TSHZ3: variants seen among roughly 807,000 people sequenced by gnomAD.
TSHZ3 encodes the protein teashirt homolog 3.
A neutral mutation model predicts 64.5 loss-of-function variants in TSHZ3; 10 were observed. That is an observed-to-expected ratio of 0.16 (90% CI 0.10 to 0.26). TSHZ3 has a LOEUF of 0.26. TSHZ3 is among the 10% of genes least tolerant of loss of function. The pLI is 1.00. For missense variants in TSHZ3, 1,242 were observed against 1,421.7 expected (o/e 0.87, Z 2.03); for synonymous variants, 608 against 593.1 (o/e 1.03, Z -0.36).
At chr19:31,164,785 C>G (rs563176250) in intron 5 of TSHZ3, among the ~76,000 whole-genome samples, 38 of 152,336 alleles carry the variant, frequency 2.5e-4, no homozygotes, top group African/African-American at 6.5e-4. Flanking sequence ...TCCTTTCCCC[C>G]CTTTGTGGCT....
At chr19:31,156,817 G>A (rs530375675) in intron 5 of TSHZ3, among the ~76,000 whole-genome samples, 91 of 152,234 alleles carry the variant, frequency 6.0e-4, no homozygotes, top group African/African-American at 8.7e-4. Flanking sequence ...ACAGGCAGCC[G>A]ATCCTGGTCC....
intron 5 of TSHZ3, among the ~76,000 whole-genome samples, chr19:31,166,500 T>C (rs1275412902): frequency 5.3e-5 from 8 of 152,172 alleles, no homozygotes; most frequent in African/African-American, 1.7e-4. Context: ...CCAGGAAGGC[T>C]GCAGCCAAGA....
At chr19:31,176,713 T>C (rs12983733) in intron 5 of TSHZ3, among the ~76,000 whole-genome samples, 95,033 of 151,978 alleles carry the variant, frequency 0.63, 30,169 homozygotes, top group African/African-American at 0.75. Context: ...TTGCTTGAGC[T>C]AAGGAGGTTG....
chr19:31,176,317 C>T (rs1568337734), intron 5 of TSHZ3, among the ~76,000 whole-genome samples: 2 of 152,120 alleles, frequency 1.3e-5, no homozygotes, highest in South Asian at 2.1e-4. Context: ...AATCAAGTTT[C>T]TAACTATCAC....
chr19:31,204,640 A>G (rs1425118658), intron 5 of TSHZ3: 1 of 152,182 alleles, frequency 6.6e-6, no homozygotes, highest in Non-Finnish European at 1.5e-5. Flanking sequence ...TAAGTTACTG[A>G]CAATGCTATA....
chr19:31,272,916 C>A (rs1259620468), downstream of TSHZ3, among the ~76,000 whole-genome samples: 1 of 152,170 alleles, frequency 6.6e-6, no homozygotes, highest in Non-Finnish European at 1.5e-5. Flanking sequence ...TCCCTGCACC[C>A]ATTTAAAGGC....
chr19:31,180,716 A>C (rs1363246082), intron 5 of TSHZ3, among the ~76,000 whole-genome samples: 1 of 152,210 alleles, frequency 6.6e-6, no homozygotes, highest in Non-Finnish European at 1.5e-5. Context: ...CTTCTTTCAT[A>C]CATGCGAGAT....
Position 31,338,385 on chromosome 19 carries a change from C to T in TSHZ3, c.40+10795G>A, listed in dbSNP as rs559639247. 3.4e-3 allele frequency among the ~76,000 whole-genome samples: 515 copies of T among 152,280 alleles called. 4 individuals are homozygous for T. Among genetic ancestry groups the T allele is most frequent in the Non-Finnish European group, 6.0e-3 (411 of 68,002 alleles). On this transcript the variant is annotated intron_variant, in intron 1 of 1. Transcript: ENST00000240587. ...CCCTGCAGAGGGGACAGAGCTCAGA[C>T]ACAAAGGGGAAGAGGCTGCTGGGAG...
chr19:31,168,676 G>A (rs924926637), intron 5 of TSHZ3, among the ~76,000 whole-genome samples: 3 of 152,180 alleles, frequency 2.0e-5, no homozygotes, highest in African/African-American at 7.2e-5. Context: ...GAAGCTGCAA[G>A]AGCCTAGATT....
At chr19:31,201,461 CA>C (rs1208408429) in intron 5 of TSHZ3, among the ~76,000 whole-genome samples, 1 of 152,074 alleles carries the variant, frequency 6.6e-6, no homozygotes, top group Non-Finnish European at 1.5e-5. Context: ...CTATGTTTGA[CA>C]AGTTGATTTT....
At chr19:31,269,987 G>A (rs933525646), downstream of TSHZ3, among the ~76,000 whole-genome samples, 30 of 152,178 alleles carry the variant, frequency 2.0e-4, no homozygotes, top group East Asian at 5.8e-4. Flanking sequence ...CACAGGGACC[G>A]CCTGATTCAT....
chr19:31,314,913 T>C (rs1441648544), intron 1 of TSHZ3, among the ~76,000 whole-genome samples: 1 of 152,194 alleles, frequency 6.6e-6, no homozygotes, highest in African/African-American at 2.4e-5. Flanking sequence ...GGTGCTTACC[T>C]CTATGAGAAA....
intron 1 of TSHZ3, among the ~76,000 whole-genome samples, chr19:31,290,050 AAGGGGATCCCCTTCTC>A (rs1976537518): frequency 6.6e-6 from 1 of 152,160 alleles, no homozygotes; most frequent in African/African-American, 2.4e-5. Context: ...ATGATGAAGC[AAGGGGATCCCCTTCTC>A]AGGGGAACCA....
chr19:31,280,988 A>G (rs1976351844), intron 1 of TSHZ3, among the ~76,000 whole-genome samples: 1 of 152,220 alleles, frequency 6.6e-6, no homozygotes, highest in African/African-American at 2.4e-5. Context: ...GTGGCTAGGA[A>G]CAATTTCAAG....
chr19:31,337,019 T>TC (rs1917269526), intron 1 of TSHZ3, among the ~76,000 whole-genome samples: 1 of 150,640 alleles, frequency 6.6e-6, no homozygotes, highest in African/African-American at 2.4e-5. Context: ...TTCTATTTTT[T>TC]TTTTTTTTTT....
intron 5 of TSHZ3, among the ~76,000 whole-genome samples, chr19:31,166,663 C>G (rs1974456337): frequency 6.6e-6 from 1 of 152,160 alleles, no homozygotes; most frequent in South Asian, 2.1e-4. Flanking sequence ...GGAAGCCTGT[C>G]TAGGGCAGTC....
At chr19:31,244,763 C>A (rs915390214) in intron 1 of TSHZ3, among the ~76,000 whole-genome samples, 6 of 152,168 alleles carry the variant, frequency 3.9e-5, no homozygotes, top group Non-Finnish European at 8.8e-5. Flanking sequence ...CCCACTTCAG[C>A]CTCCCAAGTA....
At chr19:31,172,207 C>G (rs1974545539) in intron 5 of TSHZ3, among the ~76,000 whole-genome samples, 1 of 152,218 alleles carries the variant, frequency 6.6e-6, no homozygotes. Flanking sequence ...TGGGTTGACT[C>G]TCTGCTACTG....
At position 31,278,045 on chromosome 19, in the gene TSHZ3, A is replaced by G. The variant is rs754605603; in HGVS notation, c.1748T>C (p.Val583Ala). 2.5e-6 allele frequency: 4 copies of G among 1,613,046 alleles called. No homozygotes were observed. In the Admixed American group the frequency reaches 6.7e-5, roughly 27 times the overall value. Reference sequence around the variant, plus strand: ...CAGGGTCTGGTTTTTCGTCGGGGAGACAATCTCACTGTTGCCAAACATGGG... The same window carrying G: ...CAGGGTCTGGTTTTTCGTCGGGGAGGCAATCTCACTGTTGCCAAACATGGG... The part of the protein sequence containing the change: ...LKPMFGNSEI[V>A]SPTKNQTLVS... Residue 583 changes from valine to alanine, a missense_variant, in exon 2 of 2, where the codon GTC (valine) becomes GCC (alanine). Coordinates refer to ENST00000240587, the MANE Select transcript of TSHZ3 (RefSeq NM_020856.4). The surrounding 1 kb of genome is among the most constrained non-coding windows in gnomAD (Gnocchi z 4.7).
Sources: gnomAD v4.1 joint callset for allele counts (sites outside exome capture counted in the v4.1 genomes callset) on GRCh38, gnomAD v4.1.1 for gene constraint, Gnocchi (gnomAD v3.1) non-coding constraint, MANE v1.5 for transcripts, NCBI Gene and HGNC (gene_info 2026-07-23, HGNC 2026-07-21) for gene names.